VPS13C: variants seen among roughly 807,000 people sequenced by gnomAD.
VPS13C encodes vacuolar protein sorting 13 homolog C, also known as intermembrane lipid transfer protein VPS13C.
A neutral mutation model predicts 456.8 loss-of-function variants in VPS13C; 358 were observed. The ratio of observed to expected loss-of-function variants is 0.78; its 90% CI spans 0.72 to 0.86. The LOEUF (loss-of-function observed/expected upper bound fraction) is 0.86, where lower values mean the gene tolerates loss of function less well. Among genes scored for constraint, VPS13C ranks in the 40% least tolerant of loss-of-function variants. The pLI is 0.00. For missense variants in VPS13C, 4,818 were observed against 4,385.4 expected, an observed-to-expected ratio of 1.10 and a Z score of -2.79; for synonymous variants, 1,578 against 1,486.7, an observed-to-expected ratio of 1.06 and a Z score of -1.41.
intron 66 of VPS13C, among the ~76,000 whole-genome samples, chr15:61,903,303 T>A (rs1448885410): frequency 2.6e-5 from 4 of 151,112 alleles, no homozygotes; most frequent in African/African-American, 9.8e-5. Context: ...ACCACTGCAC[T>A]CCAGCCCAGG....
intron 18 of VPS13C, among the ~76,000 whole-genome samples, chr15:61,987,200 C>A (rs1411728597): frequency 1.3e-5 from 2 of 149,938 alleles, no homozygotes; most frequent in Non-Finnish European, 3.0e-5. Flanking sequence ...CCTAAAATAG[C>A]CAAAACACTC....
rs974179790 is a variant in VPS13C, at chr15:61,877,049, G to C, written c.10148C>G (p.Ala3383Gly). The C allele has an allele frequency of 6.2e-7, 1 of 1,604,354 alleles. No homozygotes were observed. Among genetic ancestry groups the C allele is most frequent in the African/African-American group, 1.3e-5 (1 of 74,366 alleles). Residue 3383 changes from alanine (A) to glycine (G), a missense_variant, in exon 75 of 85, where the codon GCT becomes GGT. Transcript: ENST00000644861. ...TDVDDLIFKL[A>G]YYEIRYQFYK... ...GAACTGATATCGAATTTCATAATAA[G>C]CAAGTCTGGGAGGAGAAAAAGGAAA...
chr15:62,016,861 T>G (rs1311918196), intron 9 of VPS13C, among the ~76,000 whole-genome samples: 2 of 152,182 alleles, frequency 1.3e-5, no homozygotes, highest in African/African-American at 4.8e-5. Flanking sequence ...TCTTCCACAA[T>G]GGTTGAACTA....
In VPS13C at chr15:61,913,434, A is replaced by G. The variant is rs771149913; in HGVS notation, c.8446-19T>C. 3 of 1,586,758 alleles carry G rather than the reference A, an allele frequency of 1.9e-6. No homozygotes were observed. Among genetic ancestry groups the G allele is most frequent in the Non-Finnish European group, 2.6e-6 (3 of 1,157,524 alleles). Reference sequence around the variant, plus strand: ...ATTGTACCTATACCAGAGAGCACATATCGTCATATAAGAAATCTAAAACAC... The same window carrying G: ...ATTGTACCTATACCAGAGAGCACATGTCGTCATATAAGAAATCTAAAACAC... On this transcript the variant is annotated intron_variant, in intron 61 of 84. Coordinates refer to ENST00000644861, the MANE Select transcript of VPS13C (RefSeq NM_020821.3).
chr15:62,032,767 A>G (rs1280169560), intron 5 of VPS13C, among the ~76,000 whole-genome samples: 1 of 151,780 alleles, frequency 6.6e-6, no homozygotes, highest in Non-Finnish European at 1.5e-5. Flanking sequence ...AATAACTCAT[A>G]TACCCTAATC....
chr15:62,035,096 C>T (rs767010633), intron 3 of VPS13C, 44 bp from the exon 4 acceptor site: 3 of 1,410,830 alleles, frequency 2.1e-6, no homozygotes, highest in Non-Finnish European at 3.0e-6. Context: ...TTTGACTGCT[C>T]AAGAACACAA....
In VPS13C at chr15:61,854,466, C is replaced by T. The variant is rs1218945941; in HGVS notation, c.11253G>A (p.Leu3751=). The change falls in exon 85 of 85, where the codon TTG becomes TTA. Residue 3751 remains leucine, a synonymous_variant. Transcript: ENST00000644861. ...CCCCTGAGGTCTGTGATTAAGATGG[C>T]AATTGGGGTCTGAGAAGTCTCACTG... ...QSSVRLLRPQ[L]PS 5.0e-6 allele frequency: 8 copies of T among 1,613,964 alleles called. No individual in the cohort carries two copies. Among genetic ancestry groups the T allele is most frequent in the South Asian group, 1.1e-5 (1 of 91,074 alleles).
chr15:61,984,103 T>C, intron 19 of VPS13C, 91 bp from the exon 20 acceptor site: 2 of 1,227,372 alleles, frequency 1.6e-6, no homozygotes, highest in Non-Finnish European at 2.3e-6. Flanking sequence ...AAAACGTCTT[T>C]GAGAACCAGG....
intron 22 of VPS13C, among the ~76,000 whole-genome samples, chr15:61,980,481 TCAC>T (rs139666817): frequency 0.012 from 1,795 of 152,244 alleles, 47 homozygotes; most frequent in African/African-American, 0.042. Context: ...CAGGAAAACT[TCAC>T]CAGAGAGTCC....
Position 61,853,697 on chromosome 15 carries a change from A to C in VPS13C, c.*760T>G, listed in dbSNP as rs1179582258. On this transcript the variant is annotated 3_prime_UTR_variant, in exon 85 of 85. Coordinates refer to ENST00000644861, the MANE Select transcript of VPS13C (RefSeq NM_020821.3). Reference sequence around the variant, plus strand: ...GTTAACTCAGTTCAATTATTGAACAAATCACTCTTAAACAAAATGTCAGGA... The same window carrying C: ...GTTAACTCAGTTCAATTATTGAACACATCACTCTTAAACAAAATGTCAGGA... 6.6e-5 allele frequency: 10 copies of C among 152,198 alleles called. No homozygotes were observed. The allele number at this position is 152,198 out of a possible 1,614,324, so 9.4% of individuals were successfully genotyped here.
chr15:61,927,449 T>C, intron 51 of VPS13C, 129 bp from the exon 52 acceptor site: 1 of 671,398 alleles, frequency 1.5e-6, no homozygotes, highest in East Asian at 2.7e-5. Flanking sequence ...CTGACAATAT[T>C]AATTGGTTAA....
intron 81 of VPS13C, chr15:61,864,371 A>G: frequency 1.1e-6 from 1 of 898,172 alleles, no homozygotes; most frequent in Non-Finnish European, 1.3e-6. Context: ...GACTTGAATT[A>G]GTCAAATATT....
In VPS13C at chr15:61,947,207, T is replaced by C. The variant is rs1218453708; in HGVS notation, c.4862A>G (p.Asp1621Gly). 12 of 1,581,910 alleles carry C rather than the reference T, an allele frequency of 7.6e-6. No homozygotes were observed. The highest frequency in any genetic ancestry group is 1.8e-5 in the Admixed American group (1 of 54,130). ...TAACTACTTACCATGTATTTTAATA[T>C]CTGCAATGTTACACTTCTGATCACA... is the stretch of plus-strand genomic sequence containing the variant. ...FVCDQKCNIA[D>G]IKIHGMDASI... Residue 1621 changes from aspartate (D) to glycine (G), a missense_variant, in exon 43 of 85, where the codon GAT (aspartate) becomes GGT (glycine). Physicochemically the swap from Asp to Gly is moderately conservative, Grantham distance 94. This residue lies in a region of VPS13C where 4,552 missense variants were observed against 4,130.6 expected (regional missense o/e 1.10). Transcript: ENST00000644861.
In VPS13C at chr15:61,969,323, T is replaced by C. The variant is rs755503657; in HGVS notation, c.2887A>G (p.Ser963Gly). Residue 963 changes from serine (S) to glycine (G), a missense_variant, in exon 28 of 85, where the codon AGC becomes GGC. Around this residue, in one of 3 missense-constraint regions of VPS13C, gnomAD observed 4,552 missense variants for 4,130.6 expected, o/e 1.10. Coordinates refer to ENST00000644861, the MANE Select transcript of VPS13C (RefSeq NM_020821.3). ...CCTTCAATTTCATGATAATCCAAGCTGATTTTCTTTAAATAAGATACCACA... is the reference window on the plus strand; with the variant it reads ...CCTTCAATTTCATGATAATCCAAGCCGATTTTCTTTAAATAAGATACCACA... The part of the protein sequence containing the change: ...LTVVSYLKKI[S>G]LDYHEIEGSK... 2.6e-5 allele frequency: 42 copies of C among 1,601,130 alleles called. No individual in the cohort carries two copies. The highest frequency in any genetic ancestry group is 3.2e-5 in the Non-Finnish European group (38 of 1,174,698).
At chr15:62,014,817 T>C (rs147630607) in intron 9 of VPS13C, among the ~76,000 whole-genome samples, 1,574 of 152,208 alleles carry the variant, frequency 0.01, 16 homozygotes, top group Non-Finnish European at 0.017. Context: ...TTACAGGTCT[T>C]TGACAAAATA....
rs904636250 is a variant in VPS13C at position 61,950,306 on chromosome 15, G to A, written c.4596+52C>T. On this transcript the variant is annotated intron_variant, in intron 41 of 84. Coordinates refer to ENST00000644861, the MANE Select transcript of VPS13C (RefSeq NM_020821.3). ...TCTCACAGTTGAAAATGGCTATGAAGCTAGATATAATCAACACAACCCAAC... is the reference window on the plus strand; with the variant it reads ...TCTCACAGTTGAAAATGGCTATGAAACTAGATATAATCAACACAACCCAAC... The A allele has an allele frequency of 3.0e-6, 4 of 1,330,604 alleles. No homozygotes were observed. In the African/African-American group the frequency reaches 5.8e-5, roughly 19 times the overall value. The allele number at this position is 1,330,604 out of a possible 1,614,324, so 82.4% of individuals were successfully genotyped here.
In VPS13C at chr15:62,006,144, C is replaced by A. The variant is rs34500985; in HGVS notation, c.1290+1164G>T. Among the ~76,000 whole-genome samples the A allele has an allele frequency of 3.1e-3, 466 of 150,808 alleles. 1 individual carries two copies. The highest frequency in any genetic ancestry group is 0.01 in the Middle Eastern group (3 of 288). On this transcript the variant is annotated intron_variant, in intron 15 of 84. Coordinates refer to ENST00000644861, the MANE Select transcript of VPS13C (RefSeq NM_020821.3). ...TATACTTTAAGTTCTAGGGTACATG[C>A]GCACATTGTGCAGGTTTGTTACATA...
intron 15 of VPS13C, 55 bp downstream of exon 15, chr15:62,007,253 A>G: frequency 8.1e-7 from 1 of 1,232,308 alleles, no homozygotes; most frequent in Non-Finnish European, 1.1e-6. Flanking sequence ...ATGCAGAAGA[A>G]TATTAAAGGA....
At chr15:61,928,895 T>A (rs867863416) in intron 51 of VPS13C, among the ~76,000 whole-genome samples, 25 of 141,444 alleles carry the variant, frequency 1.8e-4, no homozygotes, top group Middle Eastern at 6.9e-3. Context: ...AAAAAAATTT[T>A]AAAAAAAAAG....
Sources: gnomAD v4.1 joint callset for allele counts (sites outside exome capture counted in the v4.1 genomes callset) on GRCh38, gnomAD v4.1.1 for gene constraint, gnomAD v4.1.1 regional missense constraint, MANE v1.5 for transcripts, NCBI Gene and HGNC (gene_info 2026-07-23, HGNC 2026-07-21) for gene names.